Variants in THEMIS2 observed in about 807,000 individuals in gnomAD.
The protein encoded by THEMIS2 is thymocyte selection associated family member 2, also known as protein THEMIS2.
THEMIS2 carries 29 observed loss-of-function variants against 46.8 expected under a neutral mutation model. That is an observed-to-expected ratio of 0.62 (90% CI 0.46 to 0.84). The LOEUF is 0.84. Ranked by LOEUF, THEMIS2 falls within the 40% of genes least tolerant of loss-of-function variation. The pLI is 0.00. For missense variants in THEMIS2, 698 were observed against 834.7 expected (o/e 0.84, Z 2.02); for synonymous variants, 335 against 349.1 (o/e 0.96, Z 0.45).
At chr1:27,881,880 G>A in intron 3 of THEMIS2, 91 bp from the exon 4 acceptor site, 1 of 1,018,402 alleles carries the variant, frequency 9.8e-7, no homozygotes, top group East Asian at 2.5e-5. Flanking sequence ...CAGCGGGAGG[G>A]AGGCCAGCCG....
intron 2 of THEMIS2, among the ~76,000 whole-genome samples, chr1:27,878,812 A>G (rs199544211): frequency 6.6e-6 from 1 of 152,132 alleles, no homozygotes; most frequent in Non-Finnish European, 1.5e-5. Context: ...TATCCTCATA[A>G]TATGCTTTAT....
chr1:27,885,196 G>A lies in THEMIS2; in HGVS notation c.1720-99G>A, dbSNP rs528194113. 2.8e-5 allele frequency: 36 copies of A among 1,284,160 alleles called. No individual in the cohort carries two copies. In the South Asian group the frequency reaches 4.2e-4, roughly 15 times the overall value. The allele number at this position is 1,284,160 out of a possible 1,614,324, so 79.5% of individuals were successfully genotyped here. On this transcript the variant is annotated intron_variant, in intron 4 of 5. Coordinates refer to ENST00000373921, the MANE Select transcript of THEMIS2 (RefSeq NM_001105556.3). ...ATAGCCTGAAAAGGAAGTAGAGAGA[G>A]AAGCAGAGGAAGTGACACTTAACGT... is the stretch of plus-strand genomic sequence containing the variant.
intron 2 of THEMIS2, among the ~76,000 whole-genome samples, chr1:27,879,419 T>TCCTACTTCCTGTCTCTCCCTGTC (rs1557449229): frequency 1.3e-5 from 2 of 152,224 alleles, no homozygotes; most frequent in Non-Finnish European, 2.9e-5. Flanking sequence ...CTCTCTCGGT[T>TCCTACTTCCTGTCTCTCCCTGTC]CCTACTTCCT....
rs1461898293 is a variant in THEMIS2, at chr1:27,886,608, TGTAA to T, written c.*689_*692del. On this transcript the variant is annotated 3_prime_UTR_variant, in exon 6 of 6. Transcript: ENST00000373921. ...ATCAGGTGGTTAAAGTCGTCAAAGT[TGTAA>T]GTGACTAACCAAGATTATTTCATTT... is the stretch of plus-strand genomic sequence containing the variant. The T allele has an allele frequency of 1.3e-5, 2 of 152,216 alleles. No individual in the cohort carries two copies. Among genetic ancestry groups the T allele is most frequent in the African/African-American group, 4.8e-5 (2 of 41,446 alleles). 9.4% of individuals were successfully genotyped at this position (152,216 alleles called of 1,614,324 possible).
At position 27,872,786 on chromosome 1, in the gene THEMIS2, G is replaced by A. The variant is rs111985586; in HGVS notation, c.94+121G>A. 6 of 803,420 alleles carry A rather than the reference G, an allele frequency of 7.5e-6. No homozygotes were observed. In the South Asian group the frequency reaches 1.2e-4, roughly 16 times the overall value. 49.8% of individuals were successfully genotyped at this position (803,420 alleles called of 1,614,324 possible). A position where few individuals can be genotyped will look rare whatever the true frequency, so the allele number is the denominator to read the frequency against. On this transcript the variant is annotated intron_variant, in intron 1 of 5. Coordinates refer to ENST00000373921, the MANE Select transcript of THEMIS2 (RefSeq NM_001105556.3). The surrounding 1 kb of genome is among the most constrained non-coding windows in gnomAD (Gnocchi z 4.9). ...GGGTTCAAATCCCGACACTGCCACT[G>A]GCCAAGCTGTGTGATTTGGGGCCGC...
Position 27,872,679 on chromosome 1 carries a change from G to A in THEMIS2, c.94+14G>A. 7.4e-7 allele frequency: 1 copy of A among 1,357,316 alleles called. No homozygotes were observed. The highest frequency in any genetic ancestry group is 1.9e-4 in the Middle Eastern group (1 of 5,146). 84.1% of individuals were successfully genotyped at this position (1,357,316 alleles called of 1,614,324 possible). Reference sequence around the variant, plus strand: ...TCTACTTCGAGGGTGAGCGGGGGCTGGAACCCCTCCGAGCACTCCCTTGGT... The same window carrying A: ...TCTACTTCGAGGGTGAGCGGGGGCTAGAACCCCTCCGAGCACTCCCTTGGT... On this transcript the variant is annotated intron_variant, in intron 1 of 5. Transcript: ENST00000373921. The surrounding 1 kb of genome is among the most constrained non-coding windows in gnomAD (Gnocchi z 4.9).
rs1358497738 is a variant in THEMIS2, at chr1:27,886,267, C to T, written c.*345C>T. ...AATCCGAGGCCATCAACCTTGGTGA[C>T]AGCAGCGCAGTGCCAATGCTGATCA... On this transcript the variant is annotated 3_prime_UTR_variant, in exon 6 of 6. Coordinates refer to ENST00000373921, the MANE Select transcript of THEMIS2 (RefSeq NM_001105556.3). 2.3e-5 allele frequency: 8 copies of T among 344,706 alleles called. No individual in the cohort carries two copies. Among genetic ancestry groups the T allele is most frequent in the Non-Finnish European group, 2.2e-5 (4 of 181,792 alleles). The allele number at this position is 344,706 out of a possible 1,614,324, so 21.4% of individuals were successfully genotyped here. A position where few individuals can be genotyped will look rare whatever the true frequency, so the allele number is the denominator to read the frequency against.
rs747718205 is a variant in THEMIS2 at position 27,879,826 on chromosome 1, G to T, written c.418G>T (p.Gly140Trp). The T allele has an allele frequency of 6.2e-7, 1 of 1,613,720 alleles. No individual in the cohort carries two copies. The highest frequency in any genetic ancestry group is 1.7e-5 in the Admixed American group (1 of 60,000). ...GCTTGAGGCTGTGGTGATGCACCTC[G>T]GGATCCGCTCTGCCCGCTGTGTCCT... is the stretch of plus-strand genomic sequence containing the variant. ...LMLEAVVMHLGIRSARCVLGM... is the reference protein window; with the variant it reads ...LMLEAVVMHLWIRSARCVLGM... The change falls in exon 3 of 6, where the codon GGG becomes TGG. Residue 140 changes from glycine to tryptophan, a missense_variant. By Grantham distance (184) the Gly-to-Trp change is radical (BLOSUM62 -2). Coordinates refer to ENST00000373921, the MANE Select transcript of THEMIS2 (RefSeq NM_001105556.3).
Position 27,872,699 on chromosome 1 carries a change from C to A in THEMIS2, c.94+34C>A. 7.9e-7 allele frequency: 1 copy of A among 1,271,804 alleles called. No individual in the cohort carries two copies. The highest frequency in any genetic ancestry group is 1.0e-6 in the Non-Finnish European group (1 of 1,003,282). The allele number at this position is 1,271,804 out of a possible 1,614,324, so 78.8% of individuals were successfully genotyped here. Reference sequence around the variant, plus strand: ...GGGCTGGAACCCCTCCGAGCACTCCCTTGGTGTGGGGCGGGGGCAGAGACC... The same window carrying A: ...GGGCTGGAACCCCTCCGAGCACTCCATTGGTGTGGGGCGGGGGCAGAGACC... On this transcript the variant is annotated intron_variant, in intron 1 of 5. Coordinates refer to ENST00000373921, the MANE Select transcript of THEMIS2 (RefSeq NM_001105556.3). This position sits in a 1 kb window ranked among gnomAD's most constrained non-coding sequence, Gnocchi z 4.9.
In THEMIS2 at chr1:27,882,127, T is replaced by G; in HGVS notation, c.803T>G (p.Val268Gly). 6.2e-7 allele frequency: 1 copy of G among 1,614,150 alleles called. No individual in the cohort carries two copies. The highest frequency in any genetic ancestry group is 8.5e-7 in the Non-Finnish European group (1 of 1,180,008). The change falls in exon 4 of 6, where the codon GTT becomes GGT. Residue 268 changes from valine (V) to glycine (G), a missense_variant. Val to Gly is a moderately radical substitution (Grantham distance 109, BLOSUM62 -3). Coordinates refer to ENST00000373921, the MANE Select transcript of THEMIS2 (RefSeq NM_001105556.3). The surrounding 1 kb of genome is among the most constrained non-coding windows in gnomAD (Gnocchi z 7.6). ...CCCCTGTCCATGGAGATCCTGGAGG[T>G]TCCTGAGGGCCGCCCCATCTTCCTC... ...PFPLSMEILE[V>G]PEGRPIFLSP...
chr1:27,872,690 G>A lies in THEMIS2; in HGVS notation c.94+25G>A. On this transcript the variant is annotated intron_variant, in intron 1 of 5. Coordinates refer to ENST00000373921, the MANE Select transcript of THEMIS2 (RefSeq NM_001105556.3). The surrounding 1 kb of genome is among the most constrained non-coding windows in gnomAD (Gnocchi z 4.9). ...GGTGAGCGGGGGCTGGAACCCCTCC[G>A]AGCACTCCCTTGGTGTGGGGCGGGG... 7.6e-7 allele frequency: 1 copy of A among 1,316,322 alleles called. No homozygotes were observed. Among genetic ancestry groups the A allele is most frequent in the Non-Finnish European group, 9.7e-7 (1 of 1,027,392 alleles). The allele number at this position is 1,316,322 out of a possible 1,614,324, so 81.5% of individuals were successfully genotyped here.
Position 27,886,215 on chromosome 1 carries a change from G to A in THEMIS2, c.*293G>A, listed in dbSNP as rs2089769259. 1 of 430,228 alleles carries A rather than the reference G, an allele frequency of 2.3e-6. No homozygotes were observed. Among genetic ancestry groups the A allele is most frequent in the African/African-American group, 2.0e-5 (1 of 49,784 alleles). 26.7% of individuals were successfully genotyped at this position (430,228 alleles called of 1,614,324 possible). On this transcript the variant is annotated 3_prime_UTR_variant, in exon 6 of 6. Coordinates refer to ENST00000373921, the MANE Select transcript of THEMIS2 (RefSeq NM_001105556.3). ...GGTTCCTCTCAATCCTGCAACCCCA[G>A]CTGTCCCACCGGTGGATGCAGAGGG...
Position 27,882,232 on chromosome 1 carries a change from C to A in THEMIS2, c.908C>A (p.Ala303Asp). 1 of 1,608,664 alleles carries A rather than the reference C, an allele frequency of 6.2e-7. No homozygotes were observed. Among genetic ancestry groups the A allele is most frequent in the Non-Finnish European group, 8.5e-7 (1 of 1,176,598 alleles). The change falls in exon 4 of 6, where the codon GCC becomes GAC. Residue 303 changes from alanine to aspartate, a missense_variant. By Grantham distance (126) the Ala-to-Asp change is moderately radical (BLOSUM62 -2). Coordinates refer to ENST00000373921, the MANE Select transcript of THEMIS2 (RefSeq NM_001105556.3). This position sits in a 1 kb window ranked among gnomAD's most constrained non-coding sequence, Gnocchi z 7.6. ...GCCTCACCACCCTGGCGGGTCCTGG[C>A]CTCAAGCAAGGGCCGCAAGGTGCCC... Reference protein sequence around the residue: ...GLASPPWRVLASSKGRKVPRH... With the variant: ...GLASPPWRVLDSSKGRKVPRH...
rs1468234859 is a variant in THEMIS2 at position 27,882,023 on chromosome 1, C to T, written c.699C>T (p.Asp233=). Residue 233 remains aspartate (D), a synonymous_variant, in exon 4 of 6, where the codon GAC becomes GAT. Coordinates refer to ENST00000373921, the MANE Select transcript of THEMIS2 (RefSeq NM_001105556.3). The surrounding 1 kb of genome is among the most constrained non-coding windows in gnomAD (Gnocchi z 7.6). ...CTACCCTGGAGGTCGACGTGGAGGA[C>T]GTCACCGCCTCCTCCCGGCACGTCC... ...IPSTLEVDVE[D]VTASSRHVHF... is the part of the protein sequence containing the mutation. 4.2e-5 allele frequency: 68 copies of T among 1,614,004 alleles called. No individual in the cohort carries two copies. Among genetic ancestry groups the T allele is most frequent in the Non-Finnish European group, 5.5e-5 (65 of 1,180,030 alleles).
At position 27,882,694 on chromosome 1, in the gene THEMIS2, T is replaced by C; in HGVS notation, c.1370T>C (p.Val457Ala). Residue 457 changes from valine to alanine, a missense_variant, in exon 4 of 6, where the codon GTG (valine) becomes GCG (alanine). Val to Ala is a moderately conservative substitution (Grantham distance 64). Coordinates refer to ENST00000373921, the MANE Select transcript of THEMIS2 (RefSeq NM_001105556.3). This position sits in a 1 kb window ranked among gnomAD's most constrained non-coding sequence, Gnocchi z 7.6. ...TTTTCACTGCCTTGTGAGGTCAAGG[T>C]GGTGGCCAAGGACACCAGCCACCCC... Reference protein sequence around the residue: ...AQFSLPCEVKVVAKDTSHPTD... With the variant: ...AQFSLPCEVKAVAKDTSHPTD... 1 of 1,613,918 alleles carries C rather than the reference T, an allele frequency of 6.2e-7. No individual in the cohort carries two copies. The highest frequency in any genetic ancestry group is 1.1e-5 in the South Asian group (1 of 91,080).
At chr1:27,878,605 G>A (rs1571582291) in intron 2 of THEMIS2, among the ~76,000 whole-genome samples, 2 of 150,922 alleles carry the variant, frequency 1.3e-5, no homozygotes, top group South Asian at 4.2e-4. Context: ...GTGTATATAT[G>A]GATGTGTTTT....
intron 3 of THEMIS2, among the ~76,000 whole-genome samples, chr1:27,881,217 G>A (rs1258884402): frequency 3.3e-5 from 5 of 151,716 alleles, no homozygotes; most frequent in Middle Eastern, 3.4e-3. Context: ...TTGGGAGGCC[G>A]AGGCAGGTGG....
In THEMIS2 at chr1:27,876,494, G is replaced by T. The variant is rs975704576; in HGVS notation, c.95-94G>T. The T allele has an allele frequency of 3.0e-5, 45 of 1,485,630 alleles. No homozygotes were observed. In the Admixed American group the frequency reaches 8.1e-4, roughly 27 times the overall value. 92.0% of individuals were successfully genotyped at this position (1,485,630 alleles called of 1,614,324 possible). ...CCAGGCAGCAGGCACCATGTGCAAA[G>T]GCATGGCAGAGCAGAGCTTGTTGGG... On this transcript the variant is annotated intron_variant, in intron 1 of 5. Transcript: ENST00000373921.
At chr1:27,885,554 A>G (rs1012775365) in intron 5 of THEMIS2, 103 bp downstream of exon 5, 10 of 1,411,278 alleles carry the variant, frequency 7.1e-6, no homozygotes, top group African/African-American at 2.9e-5. Context: ...AGACCCTTCT[A>G]TGGTCCCAGT....
Sources: gnomAD v4.1 joint callset for allele counts (sites outside exome capture counted in the v4.1 genomes callset) on GRCh38, gnomAD v4.1.1 for gene constraint, Gnocchi (gnomAD v3.1) non-coding constraint, MANE v1.5 for transcripts, NCBI Gene and HGNC (gene_info 2026-07-23, HGNC 2026-07-21) for gene names.